The following NPVF variants were observed in gnomAD, a reference collection of about 807,000 sequenced individuals.
The protein encoded by NPVF is neuropeptide VF precursor, also known as pro-FMRFamide-related neuropeptide VF.
In NPVF, 17 loss-of-function variants were observed where a neutral mutation model predicts 15.7. The observed-to-expected ratio is 1.08, with a 90% CI of 0.74 to 1.62. The LOEUF (loss-of-function observed/expected upper bound fraction) is 1.62, where lower values mean the gene tolerates loss of function less well. Among genes scored for constraint, NPVF ranks in the 40% most tolerant of loss-of-function variants. NPVF has a pLI of 0.00. For synonymous variants in NPVF, 70 were observed against 80.1 expected (o/e 0.87, Z 0.67); for missense variants, 270 against 225.2 (o/e 1.20, Z -1.27).
At chr7:25,227,048 A>G (rs764737408) in intron 1 of NPVF, 22 bp from the exon 2 acceptor site, 4 of 1,571,674 alleles carry the variant, frequency 2.5e-6, no homozygotes, top group Non-Finnish European at 3.5e-6. Flanking sequence ...AATGACCATT[A>G]CAATAACATA....
intron 2 of NPVF, among the ~76,000 whole-genome samples, chr7:25,225,520 C>T (rs887631346): frequency 5.3e-5 from 8 of 152,222 alleles, no homozygotes; most frequent in Non-Finnish European, 5.9e-5. Context: ...TCAATATCTG[C>T]GCTCTCTGCT....
At chr7:25,225,911 G>GT (rs940647474) in intron 2 of NPVF, among the ~76,000 whole-genome samples, 12 of 151,336 alleles carry the variant, frequency 7.9e-5, no homozygotes, top group Non-Finnish European at 1.3e-4. Context: ...ATGTCAGATG[G>GT]GATAAGTACC....
chr7:25,226,976 T>G lies in NPVF; in HGVS notation c.189A>C (p.Lys63Asn). 1.9e-6 allele frequency: 3 copies of G among 1,614,030 alleles called. No homozygotes were observed. The highest frequency in any genetic ancestry group is 2.5e-6 in the Non-Finnish European group (3 of 1,179,952). The stretch of plus-strand genomic sequence containing the variant: ...TAATAACATTTTTTGGTCCCCAATC[T>G]TTTAATTCCTCAAAATTGAGGCTTC... ...GERSLNFEEL[K>N]DWGPKNVIKM... The change falls in exon 2 of 3, where the codon AAA becomes AAC. Residue 63 changes from lysine (K) to asparagine (N), a missense_variant. Transcript: ENST00000222674.
chr7:25,225,975 AC>A (rs1244645743), intron 2 of NPVF, among the ~76,000 whole-genome samples: 1 of 152,210 alleles, frequency 6.6e-6, no homozygotes, highest in Non-Finnish European at 1.5e-5. Flanking sequence ...ATAAGGTGAC[AC>A]AATCTGCCAC....
intron 1 of NPVF, 68 bp from the exon 2 acceptor site, chr7:25,227,094 A>G (rs2115497879): frequency 7.5e-7 from 1 of 1,329,964 alleles, no homozygotes; most frequent in Admixed American, 2.2e-5. Context: ...ACCCCCAATT[A>G]ACTTAAATCT....
In NPVF at chr7:25,225,192, A is replaced by G. The variant is rs1368332457; in HGVS notation, c.540-19T>C. 5.6e-6 allele frequency: 9 copies of G among 1,604,728 alleles called. No individual in the cohort carries two copies. The highest frequency in any genetic ancestry group is 7.7e-6 in the Non-Finnish European group (9 of 1,172,834). On this transcript the variant is annotated intron_variant, in intron 2 of 2. Transcript: ENST00000222674. ...CAGTCTCCTAAAATGTAAGCAGTAT[A>G]AAATGTTGTCACCCATCAGAACAAC...
intron 1 of NPVF, among the ~76,000 whole-genome samples, chr7:25,227,843 C>G (rs1365713697): frequency 6.6e-6 from 1 of 152,118 alleles, no homozygotes; most frequent in Non-Finnish European, 1.5e-5. Context: ...AAAATAAAAA[C>G]AATTTGCAAT....
chr7:25,225,303 T>C, intron 2 of NPVF, 130 bp from the exon 3 acceptor site: 1 of 706,406 alleles, frequency 1.4e-6, no homozygotes, highest in South Asian at 1.8e-5. Context: ...TTGAAATGAG[T>C]GAGATATTGG....
intron 1 of NPVF, 81 bp from the exon 2 acceptor site, chr7:25,227,107 A>G: frequency 1.7e-6 from 2 of 1,200,830 alleles, no homozygotes; most frequent in Non-Finnish European, 1.2e-6. Context: ...TTAAATCTAG[A>G]CTTTAATCTG....
At chr7:25,226,234 C>T (rs1456365549) in intron 2 of NPVF, among the ~76,000 whole-genome samples, 3 of 152,118 alleles carry the variant, frequency 2.0e-5, no homozygotes, top group Non-Finnish European at 4.4e-5. Flanking sequence ...AGAAAACCTG[C>T]TGCATTTGAG....
intron 1 of NPVF, among the ~76,000 whole-genome samples, chr7:25,227,680 A>G (rs1157990257): frequency 2.0e-5 from 3 of 152,242 alleles, no homozygotes. Flanking sequence ...ACTTTGTAGG[A>G]ACCATCTCAA....
At chr7:25,225,203 A>G in intron 2 of NPVF, 30 bp from the exon 3 acceptor site, 1 of 1,552,860 alleles carries the variant, frequency 6.4e-7, no homozygotes. Flanking sequence ...AAATGTTGTC[A>G]CCCATCAGAA....
intron 2 of NPVF, 40 bp downstream of exon 2, chr7:25,226,582 CTATA>C: frequency 6.3e-7 from 1 of 1,591,462 alleles, no homozygotes; most frequent in East Asian, 2.2e-5. Flanking sequence ...TAGACCACCT[CTATA>C]TAACTGCCCA....
In NPVF at chr7:25,225,752, A is replaced by G. The variant is rs565523199; in HGVS notation, c.540-579T>C. On this transcript the variant is annotated intron_variant, in intron 2 of 2. Coordinates refer to ENST00000222674, the MANE Select transcript of NPVF (RefSeq NM_022150.3). ...TTCTGACCCTCTGCAGGACCTTATT[A>G]GTGCCTCTCTTATTTCATTCATCCC... 5.3e-5 allele frequency among the ~76,000 whole-genome samples: 8 copies of G among 152,298 alleles called. No homozygotes were observed. In the East Asian group the frequency reaches 1.5e-3, roughly 29 times the overall value.
In NPVF at chr7:25,225,068, A is replaced by C. The variant is rs983161434; in HGVS notation, c.*54T>G. On this transcript the variant is annotated 3_prime_UTR_variant, in exon 3 of 3. Transcript: ENST00000222674. Reference sequence around the variant, plus strand: ...GCTACTCTTCCGTGTGGTCTTCGCTATAGAGCCATTTGTAGATTACAGGCC... The same window carrying C: ...GCTACTCTTCCGTGTGGTCTTCGCTCTAGAGCCATTTGTAGATTACAGGCC... 2 of 1,498,984 alleles carry C rather than the reference A, an allele frequency of 1.3e-6. No homozygotes were observed. Among genetic ancestry groups the C allele is most frequent in the Non-Finnish European group, 9.2e-7 (1 of 1,081,732 alleles). The allele number at this position is 1,498,984 out of a possible 1,614,324, so 92.9% of individuals were successfully genotyped here.
At position 25,224,686 on chromosome 7, in the gene NPVF, C is replaced by G. The variant is rs11976166; in HGVS notation, c.*436G>C. ...ACACGATAGAAAGGGTGTACAGAAA[C>G]ACGTTTGTAAGTGATTTTTAATCCT... On this transcript the variant is annotated 3_prime_UTR_variant, in exon 3 of 3. Transcript: ENST00000222674. 712 of 157,034 alleles carry G rather than the reference C, an allele frequency of 4.5e-3. 4 individuals are homozygous for G. The highest frequency in any genetic ancestry group is 0.016 in the African/African-American group (679 of 41,662). 9.7% of individuals were successfully genotyped at this position (157,034 alleles called of 1,614,324 possible).
chr7:25,226,131 A>G (rs1411680994), intron 2 of NPVF, among the ~76,000 whole-genome samples: 1 of 152,210 alleles, frequency 6.6e-6, no homozygotes, highest in Admixed American at 6.5e-5. Context: ...TACATAGGAG[A>G]TAATACATAT....
chr7:25,224,914 A>G lies in NPVF; in HGVS notation c.*208T>C. 1 of 507,418 alleles carries G rather than the reference A, an allele frequency of 2.0e-6. No individual in the cohort carries two copies. The highest frequency in any genetic ancestry group is 3.4e-6 in the Non-Finnish European group (1 of 290,348). 31.4% of individuals were successfully genotyped at this position (507,418 alleles called of 1,614,324 possible). On this transcript the variant is annotated 3_prime_UTR_variant, in exon 3 of 3. Transcript: ENST00000222674. ...CATTTGCAATGCTTTTTTTTTATTC[A>G]GACAAAAATCATTTTAACTTTACGT...
intron 1 of NPVF, among the ~76,000 whole-genome samples, chr7:25,227,242 AT>A (rs1203172805): frequency 6.6e-6 from 1 of 152,176 alleles, no homozygotes; most frequent in East Asian, 1.9e-4. Flanking sequence ...CAACCATAAA[AT>A]ATTTATAAAA....
Sources: allele counts gnomAD v4.1 joint callset (sites outside exome capture counted in the v4.1 genomes callset), GRCh38; gene constraint gnomAD v4.1.1; transcripts MANE v1.5; gene names NCBI Gene and HGNC (gene_info 2026-07-23, HGNC 2026-07-21).